Variants in PPP2R2A observed in about 807,000 individuals in gnomAD.
The protein encoded by PPP2R2A is serine/threonine-protein phosphatase 2A 55 kDa regulatory subunit B alpha isoform.
A neutral mutation model predicts 53.2 loss-of-function variants in PPP2R2A; 9 were observed. The ratio of observed to expected loss-of-function variants is 0.17; its 90% CI spans 0.10 to 0.30. The LOEUF (loss-of-function observed/expected upper bound fraction) is 0.30, where lower values mean the gene tolerates loss of function less well. Among genes scored for constraint, PPP2R2A ranks in the 10% least tolerant of loss-of-function variants. The pLI is 1.00. For missense variants in PPP2R2A, 235 were observed against 534.6 expected (o/e 0.44, Z 5.53); for synonymous variants, 169 against 174.2 (o/e 0.97, Z 0.23).
rs1340870335 is a variant in PPP2R2A, at chr8:26,318,940, C to CACATCCAT, written c.83-19949_83-19948insCATCCATA. Among the ~76,000 whole-genome samples the CACATCCAT allele has an allele frequency of 7.2e-5, 11 of 152,252 alleles. No individual in the cohort carries two copies. In the South Asian group the frequency reaches 1.2e-3, roughly 17 times the overall value. On this transcript the variant is annotated intron_variant, in intron 2 of 9. Transcript: ENST00000380737. The stretch of plus-strand genomic sequence containing the variant: ...AGTGCATACAAATCTGTTGTGCAGC[C>CACATCCAT]ATCGCCACCATCCATATCCAGGACT...
At chr8:26,353,632 T>C (rs375779870) in intron 3 of PPP2R2A, among the ~76,000 whole-genome samples, 63 of 152,358 alleles carry the variant, frequency 4.1e-4, no homozygotes, top group African/African-American at 1.3e-3. Flanking sequence ...GGTCAAAAGA[T>C]GAAATTCTGA....
rs532988941 is a variant in PPP2R2A at position 26,324,597 on chromosome 8, G to A, written c.83-14293G>A. ...TGCTAGGACAGTGCGGAAGGGAAATGTGGGGTCGGAGCCCCCACACAGAGT... is the reference window on the plus strand; with the variant it reads ...TGCTAGGACAGTGCGGAAGGGAAATATGGGGTCGGAGCCCCCACACAGAGT... On this transcript the variant is annotated intron_variant, in intron 2 of 9. Coordinates refer to ENST00000380737, the MANE Select transcript of PPP2R2A (RefSeq NM_002717.4). 7.9e-5 allele frequency among the ~76,000 whole-genome samples: 12 copies of A among 152,318 alleles called. No homozygotes were observed. The East Asian group carries it at 2.1e-3, about 27-fold the overall frequency.
chr8:26,300,028 G>C (rs966848355), intron 2 of PPP2R2A, among the ~76,000 whole-genome samples: 4 of 152,116 alleles, frequency 2.6e-5, no homozygotes, highest in African/African-American at 9.7e-5. Context: ...AGTAGTGTAA[G>C]TTTACCCATT....
intron 2 of PPP2R2A, among the ~76,000 whole-genome samples, chr8:26,298,293 C>T (rs573637179): frequency 6.6e-6 from 1 of 152,328 alleles, no homozygotes; most frequent in East Asian, 1.9e-4. Flanking sequence ...CCTACCTCCC[C>T]ACTCCTTAAT....
chr8:26,366,236 CT>C, intron 8 of PPP2R2A, 78 bp from the exon 9 acceptor site: 8 of 1,158,132 alleles, frequency 6.9e-6, no homozygotes, highest in Non-Finnish European at 1.0e-5. Context: ...TGTATATGCC[CT>C]TTTTTTCTTT....
chr8:26,337,228 TTAAC>T (rs1247630852), intron 2 of PPP2R2A, among the ~76,000 whole-genome samples: 1 of 152,168 alleles, frequency 6.6e-6, no homozygotes, highest in Non-Finnish European at 1.5e-5. Flanking sequence ...CATATTCAAA[TTAAC>T]TAGTTCATTT....
rs572282246 is a variant in PPP2R2A at position 26,309,072 on chromosome 8, G to A, written c.82+15332G>A. On this transcript the variant is annotated intron_variant, in intron 2 of 9. Coordinates refer to ENST00000380737, the MANE Select transcript of PPP2R2A (RefSeq NM_002717.4). ...GTTGGGGTTTCAATGTGTTGTCCAG[G>A]CTGGGCTTGAGCTCATGGGCTCAAA... Among the ~76,000 whole-genome samples the A allele has an allele frequency of 2.6e-3, 396 of 152,234 alleles. 1 individual carries two copies. Among genetic ancestry groups the A allele is most frequent in the African/African-American group, 9.1e-3 (377 of 41,524 alleles).
At chr8:26,345,920 ATTATG>A (rs1454751364) in intron 3 of PPP2R2A, among the ~76,000 whole-genome samples, 1 of 152,096 alleles carries the variant, frequency 6.6e-6, no homozygotes, top group Non-Finnish European at 1.5e-5. Context: ...CTCACGAGGC[ATTATG>A]TTTTTCAGCT....
In PPP2R2A at chr8:26,321,259, T is replaced by G. The variant is rs1225142936; in HGVS notation, c.83-17631T>G. On this transcript the variant is annotated intron_variant, in intron 2 of 9. Transcript: ENST00000380737. This position sits in a 1 kb window ranked among gnomAD's most constrained non-coding sequence, Gnocchi z 4.1. ...ACAATTGGTTCATGTATTCTGTACT[T>G]TGAAACTGGGATTGAAAACTAAATG... 6.6e-6 allele frequency among the ~76,000 whole-genome samples: 1 copy of G among 152,134 alleles called. No individual in the cohort carries two copies. The highest frequency in any genetic ancestry group is 1.5e-5 in the Non-Finnish European group (1 of 68,034).
intron 2 of PPP2R2A, among the ~76,000 whole-genome samples, chr8:26,315,924 C>A (rs1264348008): frequency 6.6e-6 from 1 of 152,180 alleles, no homozygotes; most frequent in Non-Finnish European, 1.5e-5. Flanking sequence ...ACTTGGTAAT[C>A]ACTTTCTATG....
At chr8:26,305,032 C>T (rs1585328491) in intron 2 of PPP2R2A, among the ~76,000 whole-genome samples, 1 of 152,238 alleles carries the variant, frequency 6.6e-6, no homozygotes, top group Middle Eastern at 3.4e-3. Flanking sequence ...AGAACTTTTT[C>T]GTCTTGCAAA....
At chr8:26,296,466 C>T (rs1450860215) in intron 2 of PPP2R2A, among the ~76,000 whole-genome samples, 4 of 152,260 alleles carry the variant, frequency 2.6e-5, no homozygotes, top group African/African-American at 4.8e-5. Flanking sequence ...CCACAGTTCT[C>T]TTACCAGGAT....
rs1802818606 is a variant in PPP2R2A, at chr8:26,321,142, T to G, written c.83-17748T>G. Among the ~76,000 whole-genome samples the G allele has an allele frequency of 6.6e-6, 1 of 152,190 alleles. No homozygotes were observed. The highest frequency in any genetic ancestry group is 1.5e-5 in the Non-Finnish European group (1 of 68,022). ...GAAACATCGTGAGAGAAGGCCTTAG[T>G]GTTCATTTCTGTGGTTGTGAAGCGC... On this transcript the variant is annotated intron_variant, in intron 2 of 9. Coordinates refer to ENST00000380737, the MANE Select transcript of PPP2R2A (RefSeq NM_002717.4). The surrounding 1 kb of genome is among the most constrained non-coding windows in gnomAD (Gnocchi z 4.1).
chr8:26,332,806 C>T (rs567696365), intron 2 of PPP2R2A, among the ~76,000 whole-genome samples: 1 of 152,272 alleles, frequency 6.6e-6, no homozygotes, highest in East Asian at 1.9e-4. Context: ...TAAACACAGA[C>T]ATTTTGACAA....
At chr8:26,368,463 G>A (rs1026767645) in intron 9 of PPP2R2A, among the ~76,000 whole-genome samples, 2 of 152,154 alleles carry the variant, frequency 1.3e-5, no homozygotes, top group African/African-American at 4.8e-5. Context: ...GAGCAGTAAT[G>A]GGTGGCAAAT....
Position 26,311,983 on chromosome 8 carries a change from C to G in PPP2R2A, c.82+18243C>G, listed in dbSNP as rs1020749184. Reference sequence around the variant, plus strand: ...GCTCTAAAACACCCTGCTATTGGCTCCCCTTGCTACCTAGGGCAACGTTGT... The same window carrying G: ...GCTCTAAAACACCCTGCTATTGGCTGCCCTTGCTACCTAGGGCAACGTTGT... On this transcript the variant is annotated intron_variant, in intron 2 of 9. Transcript: ENST00000380737. Among the ~76,000 whole-genome samples, 3 of 152,022 alleles carry G rather than the reference C, an allele frequency of 2.0e-5. No individual in the cohort carries two copies. In the South Asian group the frequency reaches 6.2e-4, roughly 32 times the overall value.
intron 1 of PPP2R2A, among the ~76,000 whole-genome samples, chr8:26,292,644 A>T (rs1801355129): frequency 6.6e-6 from 1 of 152,256 alleles, no homozygotes; most frequent in Non-Finnish European, 1.5e-5. Flanking sequence ...CAGTTTGGAA[A>T]TAAATTTAGC....
intron 2 of PPP2R2A, among the ~76,000 whole-genome samples, chr8:26,325,109 A>G (rs969739239): frequency 6.6e-6 from 1 of 151,310 alleles, no homozygotes; most frequent in Admixed American, 6.6e-5. Flanking sequence ...GATTGGTTTT[A>G]AAATGTGAGG....
intron 2 of PPP2R2A, among the ~76,000 whole-genome samples, chr8:26,335,249 T>C (rs1803594677): frequency 6.6e-6 from 1 of 152,214 alleles, no homozygotes; most frequent in Admixed American, 6.5e-5. Context: ...TTATATGTCA[T>C]ATTCCCAGTG....
Sources: gnomAD v4.1 joint callset for allele counts (sites outside exome capture counted in the v4.1 genomes callset) on GRCh38, gnomAD v4.1.1 for gene constraint, Gnocchi (gnomAD v3.1) non-coding constraint, MANE v1.5 for transcripts, NCBI Gene and HGNC (gene_info 2026-07-23, HGNC 2026-07-21) for gene names.